The following LCORL variants were observed in gnomAD, a reference collection of about 807,000 sequenced individuals.
The protein encoded by LCORL is ligand dependent nuclear receptor corepressor like.
Under a neutral mutation model 141.8 loss-of-function variants are expected in LCORL, and 41 were observed. The observed-to-expected ratio is 0.29, with a 90% CI of 0.23 to 0.38. LCORL has a LOEUF of 0.38. Among genes scored for constraint, LCORL ranks in the 10% least tolerant of loss-of-function variants. The probability of loss-of-function intolerance (pLI) is 1.00; values close to 1 mark genes in which losing one functional copy is unlikely to be tolerated. For synonymous variants in LCORL, 618 were observed against 694.1 expected, an observed-to-expected ratio of 0.89 and a Z score of 1.72; for missense variants, 1,759 against 2,035.0, an observed-to-expected ratio of 0.86 and a Z score of 2.61.
At chr4:18,009,325 C>A (rs1723305318) in intron 1 of LCORL, among the ~76,000 whole-genome samples, 1 of 152,016 alleles carries the variant, frequency 6.6e-6, no homozygotes, top group Non-Finnish European at 1.5e-5. Flanking sequence ...GTAGCTGTCT[C>A]TTTCCCTACA....
At chr4:17,925,327 G>A (rs1239166080) in intron 4 of LCORL, among the ~76,000 whole-genome samples, 1 of 152,162 alleles carries the variant, frequency 6.6e-6, no homozygotes, top group Non-Finnish European at 1.5e-5. Context: ...GTATTACCAT[G>A]CCCTGTGATT....
intron 4 of LCORL, among the ~76,000 whole-genome samples, chr4:17,923,164 T>G (rs575079917): frequency 6.6e-6 from 1 of 152,174 alleles, no homozygotes; most frequent in African/African-American, 2.4e-5. Flanking sequence ...AGCAGAAATC[T>G]GGAGAACAGG....
chr4:17,911,976 C>A, intron 4 of LCORL: 1 of 621,210 alleles, frequency 1.6e-6, no homozygotes, highest in Non-Finnish European at 3.1e-6. Context: ...GCTTGGCCTC[C>A]TACCTGGACA....
In LCORL at chr4:18,021,663, G is replaced by A; in HGVS notation, c.89C>T (p.Ala30Val). Residue 30 changes from alanine (A) to valine (V), a missense_variant, in exon 1 of 8, where the codon GCG becomes GTG. Physicochemically the swap from Ala to Val is moderately conservative, Grantham distance 64. Around this residue, in one of 5 missense-constraint regions of LCORL, gnomAD observed 86 missense variants for 61.8 expected, o/e 1.39. Coordinates refer to ENST00000635767, the Ensembl canonical transcript of LCORL. This position sits in a 1 kb window ranked among gnomAD's most constrained non-coding sequence, Gnocchi z 5.5. ...CCGCCGGAATCCTCTTCTCTCCGCCGCGCACCGAGGGCTCCGGCACTGAGC... is the reference window on the plus strand; with the variant it reads ...CCGCCGGAATCCTCTTCTCTCCGCCACGCACCGAGGGCTCCGGCACTGAGC... 2 of 1,545,672 alleles carry A rather than the reference G, an allele frequency of 1.3e-6. No homozygotes were observed. The highest frequency in any genetic ancestry group is 8.7e-7 in the Non-Finnish European group (1 of 1,144,946).
exon 8 of LCORL, chr4:17,843,891 T>TTA (rs1428732915): frequency 2.0e-5 from 3 of 152,832 alleles, no homozygotes; most frequent in African/African-American, 7.2e-5. Flanking sequence ...AGAAAGGAGC[T>TTA]TATCAATCAC....
At chr4:17,844,743 T>G (rs1205033612) in exon 8 of LCORL, 2 of 152,344 alleles carry the variant, frequency 1.3e-5, no homozygotes, top group Non-Finnish European at 2.9e-5. Flanking sequence ...AGAAACATAA[T>G]AAGCTAAAAT....
At chr4:17,865,777 T>C (rs1725572164) in intron 7 of LCORL, among the ~76,000 whole-genome samples, 1 of 152,186 alleles carries the variant, frequency 6.6e-6, no homozygotes, top group Admixed American at 6.5e-5. Context: ...AATCAAACTC[T>C]GTAGGTGGAT....
At position 17,853,045 on chromosome 4, in the gene LCORL, CTTGATTTTT is replaced by C. The variant is rs371742297; in HGVS notation, c.5603-7153_5603-7145del. Among the ~76,000 whole-genome samples, 67 of 128,600 alleles carry C rather than the reference CTTGATTTTT, an allele frequency of 5.2e-4. 1 individual carries two copies. The highest frequency in any genetic ancestry group is 6.9e-4 in the Admixed American group (8 of 11,554). 84.4% of individuals were successfully genotyped at this position (128,600 alleles called of 152,430 possible). A position where few individuals can be genotyped will look rare whatever the true frequency, so the allele number is the denominator to read the frequency against. On this transcript the variant is annotated intron_variant, in intron 7 of 7. Coordinates refer to ENST00000635767, the Ensembl canonical transcript of LCORL. ...TACGTACCAGGCAGTGTGCTAAAAG[CTTGATTTTT>C]TTTTTTTTTTTTTTTTTTAACAATA...
At position 17,924,490 on chromosome 4, in the gene LCORL, A is replaced by T. The variant is rs191137393; in HGVS notation, c.431-15145T>A. 1.8e-3 allele frequency among the ~76,000 whole-genome samples: 273 copies of T among 152,270 alleles called. 1 individual carries two copies. Among genetic ancestry groups the T allele is most frequent in the African/African-American group, 6.4e-3 (266 of 41,578 alleles). On this transcript the variant is annotated intron_variant, in intron 4 of 7. Coordinates refer to ENST00000635767, the Ensembl canonical transcript of LCORL. ...CAATATGGCACTATTCCTCGGGGTG[A>T]TCAGCCAGCTACTTGGTGGAAGGTT...
chr4:17,937,674 C>T (rs1436540069), intron 4 of LCORL, among the ~76,000 whole-genome samples: 1 of 152,150 alleles, frequency 6.6e-6, no homozygotes, highest in Non-Finnish European at 1.5e-5. Flanking sequence ...AGGGAAACAG[C>T]AGCATGCACC....
At chr4:17,910,796 T>A (rs148502963) in intron 4 of LCORL, among the ~76,000 whole-genome samples, 492 of 152,354 alleles carry the variant, frequency 3.2e-3, no homozygotes, top group South Asian at 0.019. Flanking sequence ...CAGGGTGCTA[T>A]CTCAGACTTG....
rs778684593 is a variant in LCORL, at chr4:18,021,695, GGCGGCGGCGGCAGCAGCGGCGGCGGCA to G, written c.30_56del (p.Ala14_Ala22del). ...GAGGGCTCCGGCACTGAGCGGCGGC[GGCGGCGGCGGCAGCAGCGGCGGCGGCA>G]GCGGCCATTCTCTCTCTTCCCTTGT... On this transcript the variant is annotated inframe_deletion, in exon 1 of 8. Transcript: ENST00000635767. This position sits in a 1 kb window ranked among gnomAD's most constrained non-coding sequence, Gnocchi z 5.5. 3.1e-4 allele frequency: 481 copies of G among 1,533,034 alleles called. 2 individuals carry two copies. The African/African-American group carries it at 3.6e-3, about 12-fold the overall frequency. The allele number at this position is 1,533,034 out of a possible 1,614,324, so 95.0% of individuals were successfully genotyped here. A position where few individuals can be genotyped will look rare whatever the true frequency, so the allele number is the denominator to read the frequency against.
intron 4 of LCORL, among the ~76,000 whole-genome samples, chr4:17,938,069 G>A (rs1353655990): frequency 4.7e-5 from 7 of 149,166 alleles, no homozygotes; most frequent in East Asian, 4.0e-4. Flanking sequence ...GCAGTGGCGC[G>A]ATCTCAGCTC....
At chr4:17,866,646 G>GA (rs1267551846) in intron 7 of LCORL, among the ~76,000 whole-genome samples, 19 of 146,916 alleles carry the variant, frequency 1.3e-4, no homozygotes, top group South Asian at 4.3e-4. Context: ...ACACAAACAA[G>GA]AAAAAAAAAA....
At chr4:17,990,179 A>G (rs1461133265) in intron 1 of LCORL, among the ~76,000 whole-genome samples, 5 of 150,060 alleles carry the variant, frequency 3.3e-5, no homozygotes, top group Non-Finnish European at 7.4e-5. Flanking sequence ...GCTCACTGCA[A>G]GCTCCGCCTC....
exon 8 of LCORL, chr4:17,842,544 C>A: frequency 1.7e-6 from 1 of 581,904 alleles, no homozygotes; most frequent in Non-Finnish European, 3.1e-6. Context: ...TCATCAAGAG[C>A]ATTTGACTTC....
chr4:17,874,794 C>T (rs1726738736), exon 7 of LCORL: 1 of 1,233,768 alleles, frequency 8.1e-7, no homozygotes, highest in Admixed American at 4.2e-5. Flanking sequence ...ATCTTCCAAA[C>T]ACTTTTTTGC....
intron 5 of LCORL, among the ~76,000 whole-genome samples, chr4:17,887,473 C>A (rs1194769331): frequency 6.6e-6 from 1 of 152,028 alleles, no homozygotes; most frequent in East Asian, 1.9e-4. Flanking sequence ...GTGAGGATCA[C>A]CAACTAATCA....
exon 7 of LCORL, chr4:17,876,965 A>C: frequency 1.6e-6 from 2 of 1,230,756 alleles, no homozygotes; most frequent in Non-Finnish European, 2.0e-6. Context: ...AATTTTGTAA[A>C]GAAGGCCCTT....
Sources: allele counts gnomAD v4.1 joint callset (sites outside exome capture counted in the v4.1 genomes callset), GRCh38; gene constraint gnomAD v4.1.1; regional missense constraint gnomAD v4.1.1; non-coding constraint Gnocchi (gnomAD v3.1); transcripts MANE v1.5; gene names NCBI Gene and HGNC (gene_info 2026-07-23, HGNC 2026-07-21).